The following EVI5 variants were observed in gnomAD, a reference collection of about 807,000 sequenced individuals.
EVI5 encodes the protein ecotropic viral integration site 5.
In EVI5, 73 loss-of-function variants were observed where a neutral mutation model predicts 112.0. The observed-to-expected ratio is 0.65, with a 90% confidence interval of 0.54 to 0.79. The LOEUF is 0.79. Ranked by LOEUF, EVI5 falls within the 30% of genes least tolerant of loss-of-function variation. The pLI, the probability that EVI5 is intolerant of heterozygous loss-of-function variation, is 0.00. For synonymous variants in EVI5, 305 were observed against 319.9 expected (o/e 0.95, Z 0.50); for missense variants, 900 against 968.8 (o/e 0.93, Z 0.94).
intron 19 of EVI5, among the ~76,000 whole-genome samples, chr1:92,547,952 A>G (rs1478405200): frequency 1.3e-5 from 2 of 152,218 alleles, no homozygotes; most frequent in East Asian, 3.8e-4. Flanking sequence ...TTCTGAAACT[A>G]TTCCAATCAA....
At chr1:92,582,398 T>A (rs1158960016) in intron 18 of EVI5, among the ~76,000 whole-genome samples, 1 of 152,214 alleles carries the variant, frequency 6.6e-6, no homozygotes, top group Non-Finnish European at 1.5e-5. Flanking sequence ...AGTAACAATG[T>A]GAGGGGCCTA....
At chr1:92,553,020 C>T (rs186411808) in intron 19 of EVI5, among the ~76,000 whole-genome samples, 33 of 152,060 alleles carry the variant, frequency 2.2e-4, no homozygotes, top group African/African-American at 7.0e-4. Context: ...GAATTACATA[C>T]ACAGATGCAT....
At chr1:92,562,125 C>T (rs1334005129) in intron 19 of EVI5, among the ~76,000 whole-genome samples, 3 of 152,190 alleles carry the variant, frequency 2.0e-5, no homozygotes, top group African/African-American at 7.2e-5. Flanking sequence ...ACAATTTCCT[C>T]TGAGAACACC....
intron 1 of EVI5, among the ~76,000 whole-genome samples, chr1:92,744,244 C>A (rs563031623): frequency 1.3e-5 from 2 of 152,228 alleles, no homozygotes; most frequent in East Asian, 3.9e-4. Flanking sequence ...TTAATCTTGG[C>A]GAATGTTCCA....
intron 19 of EVI5, among the ~76,000 whole-genome samples, chr1:92,520,622 G>C (rs1011981237): frequency 6.6e-6 from 1 of 151,954 alleles, no homozygotes; most frequent in Non-Finnish European, 1.5e-5. Flanking sequence ...AGGCTAAGGC[G>C]GGTGAATCAC....
intron 17 of EVI5, 36 bp from the exon 18 acceptor site, chr1:92,605,438 AG>A: frequency 7.2e-7 from 1 of 1,397,108 alleles, no homozygotes; most frequent in African/African-American, 1.4e-5. Context: ...AAAATAAACC[AG>A]GTGTGTTTGG....
intron 10 of EVI5, among the ~76,000 whole-genome samples, chr1:92,668,186 G>C (rs1665258439): frequency 6.6e-6 from 1 of 152,158 alleles, no homozygotes; most frequent in Non-Finnish European, 1.5e-5. Context: ...TTATTACAAA[G>C]ATACTTGGCA....
intron 19 of EVI5, among the ~76,000 whole-genome samples, chr1:92,531,764 G>C (rs1368983185): frequency 6.6e-6 from 1 of 152,180 alleles, no homozygotes; most frequent in Non-Finnish European, 1.5e-5. Context: ...CACCAGGCCT[G>C]CCTTACAAGA....
At chr1:92,760,977 G>A (rs1364087097) in intron 1 of EVI5, among the ~76,000 whole-genome samples, 2 of 143,704 alleles carry the variant, frequency 1.4e-5, no homozygotes, top group Non-Finnish European at 3.0e-5. Context: ...AGAATGGCAT[G>A]AACCCGGGAG....
At chr1:92,763,496 T>C (rs1029965982) in intron 1 of EVI5, among the ~76,000 whole-genome samples, 1 of 152,040 alleles carries the variant, frequency 6.6e-6, no homozygotes. Flanking sequence ...GTGCCTGTAG[T>C]CCCAGCTACT....
intron 14 of EVI5, among the ~76,000 whole-genome samples, chr1:92,627,229 C>T (rs1161908234): frequency 6.6e-6 from 1 of 152,198 alleles, no homozygotes; most frequent in African/African-American, 2.4e-5. Flanking sequence ...ATCCTCCTAG[C>T]TTAGCTCCCA....
chr1:92,773,207 A>AC (rs1195265194), intron 1 of EVI5, among the ~76,000 whole-genome samples: 1 of 151,812 alleles, frequency 6.6e-6, no homozygotes, highest in Non-Finnish European at 1.5e-5. Context: ...CAAAAAAAAA[A>AC]AAAAAAACTT....
intron 1 of EVI5, among the ~76,000 whole-genome samples, chr1:92,767,601 A>G (rs2103023432): frequency 6.6e-6 from 1 of 152,372 alleles, no homozygotes; most frequent in East Asian, 1.9e-4. Context: ...AATATACTAA[A>G]TATCAATAAA....
chr1:92,700,363 T>C (rs1170531524), intron 5 of EVI5, among the ~76,000 whole-genome samples: 1 of 152,186 alleles, frequency 6.6e-6, no homozygotes, highest in Non-Finnish European at 1.5e-5. Flanking sequence ...CTGAGTTACA[T>C]TTCTAAACTG....
intron 1 of EVI5, among the ~76,000 whole-genome samples, chr1:92,772,697 G>C (rs1039340379): frequency 1.3e-5 from 2 of 152,172 alleles, no homozygotes; most frequent in Middle Eastern, 3.4e-3. Flanking sequence ...GAGGACAGGA[G>C]GAGTTCAAGA....
intron 1 of EVI5, among the ~76,000 whole-genome samples, chr1:92,743,732 T>C (rs1353265346): frequency 1.3e-5 from 2 of 152,216 alleles, no homozygotes; most frequent in East Asian, 3.8e-4. Flanking sequence ...CATTAGTAAT[T>C]TGTGTCTTCT....
At chr1:92,622,209 A>G (rs1235356511) in intron 16 of EVI5, 3 of 306,926 alleles carry the variant, frequency 9.8e-6, no homozygotes, top group Non-Finnish European at 1.9e-5. Flanking sequence ...TCTCTATGTG[A>G]TCTACAGCAC....
chr1:92,563,495 A>G (rs1007371343), intron 19 of EVI5, 147 bp downstream of exon 19: 1 of 449,404 alleles, frequency 2.2e-6, no homozygotes, highest in African/African-American at 2.0e-5. Flanking sequence ...CTAAAAAGAC[A>G]ATTTTCAAAA....
rs140785218 is a variant in EVI5, at chr1:92,752,886, A to G, written c.-81-16259T>C. On this transcript the variant is annotated intron_variant, in intron 1 of 19. Transcript: ENST00000684568. ...TTATTTAGAATCTACTTTCTAAAAG[A>G]ACACTTTATTGGGTGCTAAAAGTGT... Among the ~76,000 whole-genome samples, 118 of 152,286 alleles carry G rather than the reference A, an allele frequency of 7.7e-4. 2 individuals are homozygous for G. In the East Asian group the frequency reaches 0.021, roughly 27 times the overall value.
Sources: allele counts gnomAD v4.1 joint callset (sites outside exome capture counted in the v4.1 genomes callset), GRCh38; gene constraint gnomAD v4.1.1; transcripts MANE v1.5; gene names NCBI Gene and HGNC (gene_info 2026-07-23, HGNC 2026-07-21).